CSDE1: variants seen among roughly 807,000 people sequenced by gnomAD.
CSDE1 encodes cold shock domain containing E1.
In CSDE1, 17 loss-of-function variants were observed where a neutral mutation model predicts 89.3. The observed-to-expected ratio is 0.19, with a 90% CI of 0.13 to 0.29. CSDE1 has a LOEUF of 0.29. Among genes scored for constraint, CSDE1 ranks in the 10% least tolerant of loss-of-function variants. CSDE1 has a pLI of 1.00. For missense variants in CSDE1, 672 were observed against 984.2 expected (o/e 0.68, Z 4.24); for synonymous variants, 322 against 332.8 (o/e 0.97, Z 0.35).
intron 3 of CSDE1, 143 bp downstream of exon 3, chr1:114,739,549 C>A: frequency 1.5e-6 from 1 of 653,280 alleles, no homozygotes; most frequent in Non-Finnish European, 2.7e-6. Flanking sequence ...CTGGTTTATA[C>A]AGATATTCTT....
chr1:114,733,634 A>G, intron 9 of CSDE1, 98 bp downstream of exon 9: 1 of 1,095,920 alleles, frequency 9.1e-7, no homozygotes, highest in Non-Finnish European at 1.3e-6. Flanking sequence ...CCACTACCAC[A>G]TTATATTAAC....
rs766864451 is a variant in CSDE1, at chr1:114,739,839, T to C, written c.52A>G (p.Asn18Asp). The C allele has an allele frequency of 3.1e-5, 50 of 1,613,924 alleles. No homozygotes were observed. The highest frequency in any genetic ancestry group is 3.9e-5 in the Non-Finnish European group (46 of 1,179,954). ...LHNNGHNGYPNGTSAALRETG... is the reference protein window; with the variant it reads ...LHNNGHNGYPDGTSAALRETG... ...TCACGCAGTGCTGCTGAAGTACCAT[T>C]AGGGTACCCATTATGTCCATTGTTG... The change falls in exon 3 of 20, where the codon AAT (asparagine) becomes GAT (aspartate). Residue 18 changes from asparagine (N) to aspartate (D), a missense_variant. Coordinates refer to ENST00000358528, the MANE Select transcript of CSDE1 (RefSeq NM_001007553.3).
Position 114,732,727 on chromosome 1 carries a change from G to T in CSDE1, c.927C>A (p.Thr309=). The T allele has an allele frequency of 6.2e-7, 1 of 1,614,058 alleles. No individual in the cohort carries two copies. Among genetic ancestry groups the T allele is most frequent in the Non-Finnish European group, 8.5e-7 (1 of 1,179,986 alleles). ...ACCTAACATGGTCACCTTCCAGCAG[G>T]GTCACCTTGGATTTCGTATCTTTGT... ...FGDKDTKSKV[T]LLEGDHVRFN... is the part of the protein sequence containing the mutation. Residue 309 remains threonine (T), a synonymous_variant, in exon 10 of 20, where the codon ACC becomes ACA. Transcript: ENST00000358528.
At chr1:114,734,585 C>T (rs1242860867) in intron 6 of CSDE1, 62 bp from the exon 7 acceptor site, 2 of 1,321,960 alleles carry the variant, frequency 1.5e-6, no homozygotes, top group African/African-American at 3.0e-5. Flanking sequence ...TATTGGCCTG[C>T]TTAGATATGA....
intron 2 of CSDE1, chr1:114,746,505 C>T (rs1661016295): frequency 6.6e-6 from 1 of 152,052 alleles, no homozygotes; most frequent in Non-Finnish European, 1.5e-5. Flanking sequence ...AATTATCAGA[C>T]TCTTTGTAGT....
intron 9 of CSDE1, among the ~76,000 whole-genome samples, chr1:114,733,514 G>C (rs1660217632): frequency 1.4e-5 from 2 of 138,872 alleles, no homozygotes; most frequent in South Asian, 4.8e-4. Flanking sequence ...GACAGAGCGA[G>C]ACTCTGTCAC....
chr1:114,727,370 G>A (rs965405247), intron 12 of CSDE1, among the ~76,000 whole-genome samples: 2 of 152,016 alleles, frequency 1.3e-5, no homozygotes, highest in African/African-American at 4.8e-5. Context: ...ATACACCTGC[G>A]CTCCTCATAG....
At chr1:114,747,955 CACA>C (rs774841154) in intron 2 of CSDE1, among the ~76,000 whole-genome samples, 81 of 152,070 alleles carry the variant, frequency 5.3e-4, no homozygotes, top group Non-Finnish European at 8.2e-4. Flanking sequence ...CAACAGAATC[CACA>C]ACAATTAGTC....
At chr1:114,756,703 C>T (rs1234073818) in intron 1 of CSDE1, 1 of 152,160 alleles carries the variant, frequency 6.6e-6, no homozygotes, top group Non-Finnish European at 1.5e-5. Flanking sequence ...CCCTCTCCGC[C>T]CTGTCTCCCA....
chr1:114,734,647 A>G (rs904531594), intron 6 of CSDE1, 124 bp from the exon 7 acceptor site: 3 of 675,950 alleles, frequency 4.4e-6, no homozygotes, highest in Non-Finnish European at 7.6e-6. Flanking sequence ...ATCACTAAGA[A>G]TAAATACAGG....
At chr1:114,724,136 C>G in intron 15 of CSDE1, 134 bp from the exon 16 acceptor site, 1 of 838,834 alleles carries the variant, frequency 1.2e-6, no homozygotes, top group Non-Finnish European at 1.8e-6. Flanking sequence ...GGGTAGGGAA[C>G]CTGAAGCCAA....
At position 114,756,483 on chromosome 1, in the gene CSDE1, A is replaced by G. The variant is rs1033730682; in HGVS notation, c.-388+1442T>C. Among the ~76,000 whole-genome samples, 55 of 152,338 alleles carry G rather than the reference A, an allele frequency of 3.6e-4. 1 individual carries two copies. Among genetic ancestry groups the G allele is most frequent in the African/African-American group, 8.4e-4 (35 of 41,578 alleles). ...ATGTATTATAGTGCTCCTCAATGCA[A>G]TATCAAGAATGTTTGCCTTTAGTTA... On this transcript the variant is annotated intron_variant, in intron 1 of 19. Coordinates refer to ENST00000358528, the MANE Select transcript of CSDE1 (RefSeq NM_001007553.3).
Position 114,727,080 on chromosome 1 carries a change from T to C in CSDE1, c.1367A>G (p.Asp456Gly). 6.2e-7 allele frequency: 1 copy of C among 1,610,622 alleles called. No homozygotes were observed. Among genetic ancestry groups the C allele is most frequent in the Non-Finnish European group, 8.5e-7 (1 of 1,177,068 alleles). The change falls in exon 13 of 20, where the codon GAT becomes GGT. Residue 456 changes from aspartate (D) to glycine (G), a missense_variant. Asp to Gly is a moderately conservative substitution (Grantham distance 94). Transcript: ENST00000358528. ...ACAGTCATCATAAGCAATAATGCCA[T>C]CCTCAGCCTCCTAAAGAGATACAGT... The part of the protein sequence containing the change: ...PNKGKEKEAE[D>G]GIIAYDDCGV...
intron 16 of CSDE1, among the ~76,000 whole-genome samples, chr1:114,721,794 C>T: frequency 6.6e-6 from 1 of 152,024 alleles, no homozygotes; most frequent in Middle Eastern, 3.2e-3. Context: ...CCATGTTGCC[C>T]AGGCTGGTCT....
intron 1 of CSDE1, among the ~76,000 whole-genome samples, chr1:114,753,093 TC>T (rs2101093370): frequency 1.3e-5 from 2 of 152,328 alleles, no homozygotes; most frequent in South Asian, 4.1e-4. Context: ...AATAATCTCT[TC>T]TTTAAAAAAT....
At chr1:114,732,537 G>A in intron 10 of CSDE1, 67 bp downstream of exon 10, 3 of 1,473,966 alleles carry the variant, frequency 2.0e-6, no homozygotes, top group Non-Finnish European at 2.8e-6. Flanking sequence ...TAATTTAGTA[G>A]TATAAACTTG....
rs1659732007 is a variant in CSDE1, at chr1:114,725,259, T to G, written c.1715A>C (p.Asn572Thr). The G allele has an allele frequency of 6.2e-7, 1 of 1,614,108 alleles. No individual in the cohort carries two copies. Among genetic ancestry groups the G allele is most frequent in the African/African-American group, 1.3e-5 (1 of 74,942 alleles). The change falls in exon 15 of 20, where the codon AAC becomes ACC. Residue 572 changes from asparagine (N) to threonine (T), a missense_variant. Physicochemically the swap from Asn to Thr is moderately conservative, Grantham distance 65. Transcript: ENST00000358528. Reference sequence around the variant, plus strand: ...GTTCACTTTTTCTGCACTGACTTTGTTGCCTTTGCCTTTGGACAAGCTATA... The same window carrying G: ...GTTCACTTTTTCTGCACTGACTTTGGTGCCTTTGCCTTTGGACAAGCTATA... ...VEYSLSKGKG[N>T]KVSAEKVNKT...
intron 16 of CSDE1, among the ~76,000 whole-genome samples, chr1:114,721,462 A>G (rs1659516537): frequency 6.6e-6 from 1 of 152,232 alleles, no homozygotes. Flanking sequence ...CAAAGAATTC[A>G]GCTGCCTAAC....
chr1:114,738,045 T>G lies in CSDE1; in HGVS notation c.227A>C (p.Asp76Ala). 6.2e-7 allele frequency: 1 copy of G among 1,613,908 alleles called. No homozygotes were observed. Among genetic ancestry groups the G allele is most frequent in the Non-Finnish European group, 8.5e-7 (1 of 1,179,752 alleles). ...GDDVEFEVSS[D>A]RRTGKPIAVK... The stretch of plus-strand genomic sequence containing the variant: ...AGCAATGGGTTTCCCAGTCCGTCGG[T>G]CCGATGATACTTCAAATTCAACATC... Residue 76 changes from aspartate to alanine, a missense_variant, in exon 4 of 20, where the codon GAC (aspartate) becomes GCC (alanine). By Grantham distance (126) the Asp-to-Ala change is moderately radical. This residue lies in a region of CSDE1 where 34 missense variants were observed against 73.3 expected (regional missense o/e 0.46). Coordinates refer to ENST00000358528, the MANE Select transcript of CSDE1 (RefSeq NM_001007553.3).
Sources: gnomAD v4.1 joint callset for allele counts (sites outside exome capture counted in the v4.1 genomes callset) on GRCh38, gnomAD v4.1.1 for gene constraint, gnomAD v4.1.1 regional missense constraint, MANE v1.5 for transcripts, NCBI Gene and HGNC (gene_info 2026-07-23, HGNC 2026-07-21) for gene names.